Variants in LRRK1 observed in about 807,000 individuals in gnomAD.
The protein encoded by LRRK1 is leucine rich repeat kinase 1.
LRRK1 carries 113 observed loss-of-function variants against 209.1 expected under a neutral mutation model. The observed-to-expected ratio is 0.54, with a 90% CI of 0.46 to 0.63. LRRK1 has a LOEUF of 0.63. Among genes scored for constraint, LRRK1 ranks in the 30% least tolerant of loss-of-function variants. LRRK1 has a pLI of 0.00. For missense variants in LRRK1, 2,284 were observed against 2,632.2 expected, an observed-to-expected ratio of 0.87 and a Z score of 2.89; for synonymous variants, 1,144 against 1,099.7, an observed-to-expected ratio of 1.04 and a Z score of -0.80.
chr15:101,005,888 T>C (rs1297980574), intron 6 of LRRK1, among the ~76,000 whole-genome samples: 1 of 152,216 alleles, frequency 6.6e-6, no homozygotes, highest in Non-Finnish European at 1.5e-5. Context: ...GAATGCCAGG[T>C]AATACATGTA....
chr15:100,969,081 A>C (rs12902296), intron 2 of LRRK1, among the ~76,000 whole-genome samples: 151,049 of 152,274 alleles, frequency 0.99, 74,928 homozygotes, highest in Middle Eastern at 1. Context: ...CTCAATGGAT[A>C]CACCCACCTT....
At chr15:101,016,124 G>C (rs2033527817) in intron 12 of LRRK1, among the ~76,000 whole-genome samples, 1 of 151,920 alleles carries the variant, frequency 6.6e-6, no homozygotes, top group Admixed American at 6.6e-5. Context: ...CAAGTAGCTG[G>C]GATTACAGGC....
chr15:101,064,354 C>G (rs1039875375), intron 31 of LRRK1: 2 of 153,760 alleles, frequency 1.3e-5, no homozygotes, highest in African/African-American at 4.8e-5. Context: ...GGCATGAGGC[C>G]CAGCTCCCTG....
At chr15:100,992,358 T>C (rs939044364) in intron 6 of LRRK1, among the ~76,000 whole-genome samples, 4 of 152,228 alleles carry the variant, frequency 2.6e-5, no homozygotes, top group Non-Finnish European at 4.4e-5. Flanking sequence ...TATATTTTGG[T>C]AGAAAATTAT....
chr15:100,989,080 A>G (rs1041451962), intron 5 of LRRK1, among the ~76,000 whole-genome samples, 170 bp from the exon 6 acceptor site: 2 of 152,272 alleles, frequency 1.3e-5, no homozygotes, highest in South Asian at 2.1e-4. Flanking sequence ...GCAAAGCCCC[A>G]CAGAAATTCT....
At chr15:101,044,198 C>A (rs1054689734) in intron 20 of LRRK1, 3 of 152,304 alleles carry the variant, frequency 2.0e-5, no homozygotes, top group Non-Finnish European at 2.9e-5. Flanking sequence ...CTGCAGTGAA[C>A]CCCTCCAGCC....
At chr15:101,009,639 G>A (rs1389394155) in intron 7 of LRRK1, among the ~76,000 whole-genome samples, 1 of 152,094 alleles carries the variant, frequency 6.6e-6, no homozygotes, top group Non-Finnish European at 1.5e-5. Flanking sequence ...CCCAACTGGA[G>A]TGCAGTGGCA....
chr15:101,047,733 C>A (rs1346285203), intron 21 of LRRK1, among the ~76,000 whole-genome samples: 1 of 152,220 alleles, frequency 6.6e-6, no homozygotes, highest in Non-Finnish European at 1.5e-5. Flanking sequence ...AGTCAGCGCA[C>A]AGGACAGTCT....
intron 21 of LRRK1, among the ~76,000 whole-genome samples, chr15:101,046,916 G>C (rs776345641): frequency 1.3e-5 from 2 of 152,188 alleles, no homozygotes; most frequent in Non-Finnish European, 2.9e-5. Context: ...TGCTACAGTG[G>C]TGTTTTTCAA....
At chr15:101,035,317 T>C (rs1368650224) in intron 20 of LRRK1, among the ~76,000 whole-genome samples, 2 of 152,166 alleles carry the variant, frequency 1.3e-5, no homozygotes, top group Admixed American at 1.3e-4. Context: ...CTAGTAATAT[T>C]TGCTTTATGA....
chr15:101,070,304 C>T lies in LRRK1; in HGVS notation c.*1456C>T, dbSNP rs113605793. 6.1e-4 allele frequency: 89 copies of T among 145,886 alleles called. No homozygotes were observed. Among genetic ancestry groups the T allele is most frequent in the African/African-American group, 2.2e-3 (84 of 38,572 alleles). 9.0% of individuals were successfully genotyped at this position (145,886 alleles called of 1,614,324 possible). A position where few individuals can be genotyped will look rare whatever the true frequency, so the allele number is the denominator to read the frequency against. On this transcript the variant is annotated 3_prime_UTR_variant, in exon 34 of 34. Transcript: ENST00000388948. ...CAGGCTTGGAAAAAGCGAGTCCCCCCACTCTTTTTTTTTTTTTTTTTTTTT... is the reference window on the plus strand; with the variant it reads ...CAGGCTTGGAAAAAGCGAGTCCCCCTACTCTTTTTTTTTTTTTTTTTTTTT...
intron 28 of LRRK1, among the ~76,000 whole-genome samples, chr15:101,057,652 T>C (rs2141145740): frequency 6.6e-6 from 1 of 152,294 alleles, no homozygotes; most frequent in South Asian, 2.1e-4. Flanking sequence ...AGTTTTAGGC[T>C]ATGGTGCGCC....
chr15:100,928,422 C>G (rs1192323569), intron 2 of LRRK1, among the ~76,000 whole-genome samples: 1 of 152,164 alleles, frequency 6.6e-6, no homozygotes, highest in African/African-American at 2.4e-5. Flanking sequence ...CCCTGTTTCC[C>G]CTCTCCCACC....
chr15:100,946,624 C>A (rs887335884), intron 2 of LRRK1, among the ~76,000 whole-genome samples: 1 of 152,184 alleles, frequency 6.6e-6, no homozygotes, highest in African/African-American at 2.4e-5. Flanking sequence ...CTCCTCTTCA[C>A]GGGCATTTGG....
intron 20 of LRRK1, 130 bp downstream of exon 20, chr15:101,029,362 A>G (rs2034184015): frequency 4.1e-6 from 4 of 969,218 alleles, no homozygotes; most frequent in East Asian, 5.3e-5. Context: ...CCCTACGGAC[A>G]GGCCAGCACC....
chr15:101,008,898 A>C lies in LRRK1; in HGVS notation c.824A>C (p.Asp275Ala), dbSNP rs756776320. 2.6e-5 allele frequency: 42 copies of C among 1,614,134 alleles called. No homozygotes were observed. Among genetic ancestry groups the C allele is most frequent in the Non-Finnish European group, 3.6e-5 (42 of 1,180,020 alleles). Residue 275 changes from aspartate (D) to alanine (A), a missense_variant, in exon 7 of 34, where the codon GAC becomes GCC. By Grantham distance (126) the Asp-to-Ala change is moderately radical. Coordinates refer to ENST00000388948, the MANE Select transcript of LRRK1 (RefSeq NM_024652.6). ...LPWVDLDWLI[D>A]ISCQITELDL... ...TGGGTAGACCTAGACTGGCTCATAG[A>C]CATCTCCTGCCAGATCACGGAGCTC...
At chr15:101,057,787 T>C (rs760501674) in intron 28 of LRRK1, among the ~76,000 whole-genome samples, 27 of 152,238 alleles carry the variant, frequency 1.8e-4, no homozygotes, top group Non-Finnish European at 3.1e-4. Context: ...TGAGCTTAAA[T>C]TGCCGTAGCC....
rs187033237 is a variant in LRRK1 at position 101,068,623 on chromosome 15, C to A, written c.5871-48C>A. 2.0e-4 allele frequency: 310 copies of A among 1,523,666 alleles called. 2 individuals carry two copies. The African/African-American group carries it at 3.6e-3, about 18-fold the overall frequency. 94.4% of individuals were successfully genotyped at this position (1,523,666 alleles called of 1,614,324 possible). On this transcript the variant is annotated intron_variant, in intron 33 of 33. Transcript: ENST00000388948. ...CACAGGGGGAGGGTCCCAACCCCAC[C>A]CGAGTGGGAACCCCTGTGAGTTTCC...
At chr15:101,023,234 A>G (rs2033878040) in intron 15 of LRRK1, among the ~76,000 whole-genome samples, 1 of 152,118 alleles carries the variant, frequency 6.6e-6, no homozygotes, top group African/African-American at 2.4e-5. Context: ...ACTTAAAATG[A>G]ATCCATCACT....
Sources: allele counts gnomAD v4.1 joint callset (sites outside exome capture counted in the v4.1 genomes callset), GRCh38; gene constraint gnomAD v4.1.1; transcripts MANE v1.5; gene names NCBI Gene and HGNC (gene_info 2026-07-23, HGNC 2026-07-21).